Variants in GPR89A observed in about 807,000 individuals in gnomAD.
The protein encoded by GPR89A is G protein-coupled receptor 89A.
In GPR89A, 16 loss-of-function variants were observed where a neutral mutation model predicts 52.0. The observed-to-expected ratio is 0.31, with a 90% CI of 0.21 to 0.47. The LOEUF is 0.47. GPR89A is among the 20% of genes least tolerant of loss of function. The probability of loss-of-function intolerance (pLI) is 1.00; values close to 1 mark genes in which losing one functional copy is unlikely to be tolerated. For missense variants in GPR89A, 135 were observed against 449.4 expected, an observed-to-expected ratio of 0.30 and a Z score of 6.33; for synonymous variants, 55 against 150.9, an observed-to-expected ratio of 0.36 and a Z score of 4.66.
chr1:145,611,886 C>A (rs1245744410), intron 1 of GPR89A, among the ~76,000 whole-genome samples: 1 of 151,788 alleles, frequency 6.6e-6, no homozygotes. Flanking sequence ...TGACCCTTTC[C>A]TTTTCTGCTT....
chr1:145,616,088 A>G, intron 1 of GPR89A, 146 bp from the exon 2 acceptor site: 3 of 631,878 alleles, frequency 4.7e-6, no homozygotes, highest in Non-Finnish European at 5.6e-6. Flanking sequence ...GAGCTTTAAT[A>G]ATAGGTCTTA....
chr1:145,658,196 A>G (rs1207959258), intron 10 of GPR89A, among the ~76,000 whole-genome samples: 3 of 152,174 alleles, frequency 2.0e-5, no homozygotes, highest in African/African-American at 7.2e-5. Context: ...GTAATTTTAA[A>G]AAGTATATAT....
intron 7 of GPR89A, among the ~76,000 whole-genome samples, chr1:145,635,828 G>A (rs1374668628): frequency 1.3e-5 from 2 of 152,182 alleles, no homozygotes; most frequent in African/African-American, 4.8e-5. Flanking sequence ...GCATAGTGGT[G>A]CATGCCTGTA....
chr1:145,667,163 T>G (rs1652624738), intron 12 of GPR89A, among the ~76,000 whole-genome samples: 1 of 152,206 alleles, frequency 6.6e-6, no homozygotes, highest in Non-Finnish European at 1.5e-5. Context: ...ATTGCCACAC[T>G]GCCTTCCACA....
intron 2 of GPR89A, among the ~76,000 whole-genome samples, 174 bp downstream of exon 2, chr1:145,616,467 GA>G (rs1282618406): frequency 2.0e-4 from 31 of 151,988 alleles, no homozygotes; most frequent in African/African-American, 2.4e-4. Context: ...TAAAAGGGGG[GA>G]AAAAAGGCAA....
chr1:145,646,339 G>A (rs1307844873), intron 9 of GPR89A, 67 bp downstream of exon 9: 7 of 1,331,728 alleles, frequency 5.3e-6, no homozygotes, highest in Non-Finnish European at 6.2e-6. Flanking sequence ...AGACTAAATG[G>A]CTTTTTAGAT....
intron 3 of GPR89A, 135 bp from the exon 4 acceptor site, chr1:145,622,919 G>C: frequency 1.5e-6 from 2 of 1,334,408 alleles, no homozygotes; most frequent in South Asian, 3.1e-5. Flanking sequence ...TAGATTTTAA[G>C]AGCCTAGTAG....
chr1:145,660,867 A>C (rs1388954404), intron 10 of GPR89A, among the ~76,000 whole-genome samples: 2 of 151,536 alleles, frequency 1.3e-5, no homozygotes, highest in Non-Finnish European at 2.9e-5. Context: ...GGGACTGTAA[A>C]CTAGTTCAAC....
chr1:145,629,645 A>G (rs1261989033), intron 5 of GPR89A, among the ~76,000 whole-genome samples: 2 of 152,036 alleles, frequency 1.3e-5, no homozygotes, highest in African/African-American at 4.8e-5. Context: ...ACTGATCCAG[A>G]GTTGGGAATT....
intron 6 of GPR89A, 103 bp downstream of exon 6, chr1:145,630,910 ACTGT>A: frequency 1.1e-5 from 2 of 181,710 alleles, no homozygotes; most frequent in Non-Finnish European, 1.8e-5. Flanking sequence ...GATCTATGAC[ACTGT>A]CTTTTTATTC....
chr1:145,609,034 G>A (rs1648053601), intron 1 of GPR89A, among the ~76,000 whole-genome samples: 1 of 152,162 alleles, frequency 6.6e-6, no homozygotes, highest in Admixed American at 6.5e-5. Context: ...GTTCATAGCT[G>A]TATCCCCACT....
intron 10 of GPR89A, among the ~76,000 whole-genome samples, chr1:145,652,787 T>C (rs1469557064): frequency 6.9e-6 from 1 of 144,752 alleles, no homozygotes; most frequent in Non-Finnish European, 1.5e-5. Flanking sequence ...TAGAGATGTT[T>C]ATAGTATTCT....
At chr1:145,624,977 A>G (rs1649390823) in intron 5 of GPR89A, among the ~76,000 whole-genome samples, 1 of 149,014 alleles carries the variant, frequency 6.7e-6, no homozygotes, top group Non-Finnish European at 1.5e-5. Context: ...GGAAAAGGAT[A>G]TTGGAATTAA....
chr1:145,636,267 G>A (rs1268356832), intron 7 of GPR89A, among the ~76,000 whole-genome samples: 5 of 150,498 alleles, frequency 3.3e-5, no homozygotes, highest in African/African-American at 1.2e-4. Context: ...TTCATATAAT[G>A]CCCTTGCCAT....
intron 10 of GPR89A, among the ~76,000 whole-genome samples, chr1:145,660,593 TCAAA>T (rs1652123261): frequency 1.3e-5 from 2 of 152,158 alleles, no homozygotes; most frequent in South Asian, 2.1e-4. Context: ...TACAATGAAC[TCAAA>T]CAAGTTTACA....
At chr1:145,611,659 C>G (rs1553686166) in intron 1 of GPR89A, 1 of 127,492 alleles carries the variant, frequency 7.8e-6, no homozygotes, top group Admixed American at 8.6e-5. Context: ...TGCTTGTTTT[C>G]TCTTCCATTT....
At chr1:145,662,204 A>AT (rs1373510547) in intron 10 of GPR89A, among the ~76,000 whole-genome samples, 2 of 152,110 alleles carry the variant, frequency 1.3e-5, no homozygotes, top group African/African-American at 4.8e-5. Flanking sequence ...GGATCCAGCT[A>AT]TTGTGGATTT....
chr1:145,647,533 G>A (rs1461679963), intron 10 of GPR89A, among the ~76,000 whole-genome samples: 13 of 151,732 alleles, frequency 8.6e-5, no homozygotes, highest in Non-Finnish European at 4.4e-5. Flanking sequence ...GCCGGGCATG[G>A]TGGCTCATGC....
intron 10 of GPR89A, among the ~76,000 whole-genome samples, chr1:145,658,635 T>A (rs1264387011): frequency 2.7e-5 from 4 of 148,948 alleles, no homozygotes; most frequent in Non-Finnish European, 5.9e-5. Context: ...AAAAAAAAAA[T>A]TCATATTTTC....
Sources: gnomAD v4.1 joint callset for allele counts (sites outside exome capture counted in the v4.1 genomes callset) on GRCh38, gnomAD v4.1.1 for gene constraint, MANE v1.5 for transcripts, NCBI Gene and HGNC (gene_info 2026-07-23, HGNC 2026-07-21) for gene names.